The following CAMKK1 variants were observed in gnomAD, a reference collection of about 807,000 sequenced individuals.
The protein encoded by CAMKK1 is calcium/calmodulin-dependent protein kinase kinase 1.
A neutral mutation model predicts 63.5 loss-of-function variants in CAMKK1; 20 were observed. That is an observed-to-expected ratio of 0.32 (90% confidence interval 0.22 to 0.46). CAMKK1 has a LOEUF of 0.46. Among genes scored for constraint, CAMKK1 ranks in the 20% least tolerant of loss-of-function variants. CAMKK1 has a pLI of 1.00. For missense variants in CAMKK1, 588 were observed against 658.1 expected (o/e 0.89, Z 1.17); for synonymous variants, 253 against 269.0 (o/e 0.94, Z 0.58).
intron 14 of CAMKK1, among the ~76,000 whole-genome samples, chr17:3,868,436 C>G (rs1242497298): frequency 1.7e-5 from 2 of 117,516 alleles, no homozygotes; most frequent in Non-Finnish European, 4.1e-5. Flanking sequence ...TGCTGCCTAA[C>G]TGATACGTGG....
Position 3,890,775 on chromosome 17 carries a change from C to T in CAMKK1, c.-44+2164G>A, listed in dbSNP as rs775582290. ...CCTCAGTACAAGCTGTGCCTTCTGC[C>T]AGGAACACACCTCCCTCTCCTCTGC... is the stretch of plus-strand genomic sequence containing the variant. On this transcript the variant is annotated intron_variant, in intron 1 of 15. Transcript: ENST00000348335. The surrounding 1 kb of genome is among the most constrained non-coding windows in gnomAD (Gnocchi z 6.5). The T allele has an allele frequency of 5.1e-6, 4 of 779,804 alleles. No individual in the cohort carries two copies. Among genetic ancestry groups the T allele is most frequent in the Non-Finnish European group, 9.6e-6 (4 of 417,964 alleles). The allele number at this position is 779,804 out of a possible 1,614,324, so 48.3% of individuals were successfully genotyped here.
At position 3,869,895 on chromosome 17, in the gene CAMKK1, A is replaced by AG. The variant is rs1322706930; in HGVS notation, c.1125-8dup. The AG allele has an allele frequency of 5.0e-6, 8 of 1,613,200 alleles. No individual in the cohort carries two copies. The Admixed American group carries it at 8.3e-5, about 17-fold the overall frequency. ...CTCCTCGCTGATTTCTGGCCTGGAG[A>AG]GGGCGAAGGAAGGAGAGGAGGGTGG... On this transcript the variant is annotated splice_polypyrimidine_tract_variant and splice_region_variant and intron_variant, in intron 12 of 15. Coordinates refer to ENST00000348335, the MANE Select transcript of CAMKK1 (RefSeq NM_032294.3).
At chr17:3,869,421 C>T in intron 14 of CAMKK1, 66 bp downstream of exon 14, 1 of 1,598,104 alleles carries the variant, frequency 6.3e-7, no homozygotes, top group Non-Finnish European at 8.5e-7. Context: ...AGGAGCCAGG[C>T]ACAGAGCAAG....
intron 1 of CAMKK1, among the ~76,000 whole-genome samples, chr17:3,891,117 G>C (rs201004058): frequency 5.9e-5 from 9 of 151,898 alleles, no homozygotes; most frequent in South Asian, 4.2e-4. Flanking sequence ...GTTGGGGGGG[G>C]GGTCACAGGC....
intron 15 of CAMKK1, chr17:3,865,231 G>A (rs2054472021): frequency 1.0e-5 from 10 of 985,734 alleles, no homozygotes; most frequent in Non-Finnish European, 1.1e-5. Context: ...GGCTTGGGGA[G>A]CTGCTTTTCT....
rs907207358 is a variant in CAMKK1 at position 3,861,898 on chromosome 17, T to C, written c.*313A>G. On this transcript the variant is annotated 3_prime_UTR_variant, in exon 16 of 16. Transcript: ENST00000348335. ...TGCCTCTGCCTCCTGCCCCAGGCCA[T>C]GCCAACCAGCCGGGTGGCATTTCTG... is the stretch of plus-strand genomic sequence containing the variant. 3.4e-5 allele frequency: 14 copies of C among 407,430 alleles called. No homozygotes were observed. In the Admixed American group the frequency reaches 5.1e-4, roughly 15 times the overall value. The allele number at this position is 407,430 out of a possible 1,614,324, so 25.2% of individuals were successfully genotyped here.
At chr17:3,871,353 T>TG (rs1777018878) in intron 12 of CAMKK1, among the ~76,000 whole-genome samples, 10 of 44,488 alleles carry the variant, frequency 2.2e-4, no homozygotes, top group South Asian at 6.8e-4. Context: ...TTTTGTTTTT[T>TG]TTTTTTTTTT....
Position 3,892,874 on chromosome 17 carries a change from G to A in CAMKK1, c.-44+65C>T, listed in dbSNP as rs1425562838. On this transcript the variant is annotated intron_variant, in intron 1 of 15. Coordinates refer to ENST00000348335, the MANE Select transcript of CAMKK1 (RefSeq NM_032294.3). This position sits in a 1 kb window ranked among gnomAD's most constrained non-coding sequence, Gnocchi z 7.5. The stretch of plus-strand genomic sequence containing the variant: ...CCCCCCGCCTCTCCCTTGCAGGCTC[G>A]GGGCAGGTGTTAAGGCGTTCGTCCT... 2 of 151,640 alleles carry A rather than the reference G, an allele frequency of 1.3e-5. No homozygotes were observed. 9.4% of individuals were successfully genotyped at this position (151,640 alleles called of 1,614,324 possible). A position where few individuals can be genotyped will look rare whatever the true frequency, so the allele number is the denominator to read the frequency against.
Position 3,884,579 on chromosome 17 carries a change from G to T in CAMKK1, c.361-152C>A. 1.5e-6 allele frequency: 1 copy of T among 647,758 alleles called. No individual in the cohort carries two copies. Among genetic ancestry groups the T allele is most frequent in the Non-Finnish European group, 2.6e-6 (1 of 384,278 alleles). The allele number at this position is 647,758 out of a possible 1,614,324, so 40.1% of individuals were successfully genotyped here. A position where few individuals can be genotyped will look rare whatever the true frequency, so the allele number is the denominator to read the frequency against. On this transcript the variant is annotated intron_variant, in intron 2 of 15. Coordinates refer to ENST00000348335, the MANE Select transcript of CAMKK1 (RefSeq NM_032294.3). The surrounding 1 kb of genome is among the most constrained non-coding windows in gnomAD (Gnocchi z 4.5). ...GCTTTTGAGTTTGGATGGGGAAGTT[G>T]GTGGTGCCATCGCCCCCGTATGTGA...
intron 12 of CAMKK1, among the ~76,000 whole-genome samples, chr17:3,870,107 C>A (rs1202299194): frequency 1.3e-5 from 2 of 152,178 alleles, no homozygotes; most frequent in Non-Finnish European, 2.9e-5. Context: ...GTGCTGGACA[C>A]CCCAATGGGT....
At chr17:3,876,182 C>T (rs752145624) in intron 10 of CAMKK1, 41 bp downstream of exon 10, 22 of 1,584,500 alleles carry the variant, frequency 1.4e-5, no homozygotes, top group Admixed American at 8.6e-5. Context: ...CTATTACGCC[C>T]CCCACTTGAA....
intron 14 of CAMKK1, 81 bp from the exon 15 acceptor site, chr17:3,866,092 G>C: frequency 1.3e-6 from 2 of 1,534,794 alleles, no homozygotes; most frequent in Non-Finnish European, 1.8e-6. Context: ...CCCGAGAGCA[G>C]CTGCCAAGGG....
In CAMKK1 at chr17:3,869,621, G is replaced by A. The variant is rs371773297; in HGVS notation, c.1213-6C>T. On this transcript the variant is annotated splice_polypyrimidine_tract_variant and splice_region_variant and intron_variant, in intron 13 of 15. Transcript: ENST00000348335. ...TTGGTCACCCAAGGGTGCAACTGTC[G>A]GGGCCGGGAGGGCAGGGAGAGGGGG... The A allele has an allele frequency of 8.8e-5, 142 of 1,614,012 alleles. No individual in the cohort carries two copies. The highest frequency in any genetic ancestry group is 9.5e-5 in the Non-Finnish European group (112 of 1,180,004).
rs1366194492 is a variant in CAMKK1 at position 3,862,694 on chromosome 17, A to G, written c.1446-411T>C. On this transcript the variant is annotated intron_variant, in intron 15 of 15. Transcript: ENST00000348335. The surrounding 1 kb of genome is among the most constrained non-coding windows in gnomAD (Gnocchi z 4.1). ...GTGCAGGCTGCAGTGCAGTGGTGCA[A>G]TCTCAGCTCATTGCAACCTCTGCCT... Among the ~76,000 whole-genome samples the G allele has an allele frequency of 1.3e-5, 2 of 152,126 alleles. No homozygotes were observed. The highest frequency in any genetic ancestry group is 2.9e-5 in the Non-Finnish European group (2 of 68,020).
At chr17:3,872,322 C>T (rs1002816008) in intron 12 of CAMKK1, among the ~76,000 whole-genome samples, 1 of 152,172 alleles carries the variant, frequency 6.6e-6, no homozygotes, top group Non-Finnish European at 1.5e-5. Flanking sequence ...TGCCTGTGGT[C>T]ATCCCTGGCC....
At chr17:3,868,043 A>ACGTGGG (rs1465763835) in intron 14 of CAMKK1, among the ~76,000 whole-genome samples, 23 of 119,516 alleles carry the variant, frequency 1.9e-4, no homozygotes, top group East Asian at 5.3e-4. Flanking sequence ...TCTAACTGAT[A>ACGTGGG]CACAGGATCT....
In CAMKK1 at chr17:3,885,532, A is replaced by G. The variant is rs764564718; in HGVS notation, c.156T>C (p.Ser52=). 4 of 1,613,980 alleles carry G rather than the reference A, an allele frequency of 2.5e-6. 1 individual carries two copies. The South Asian group carries it at 4.4e-5, about 18-fold the overall frequency. ...GTCTTGAAGTACTGCCAGGGATCAC[A>G]GAGGCAGCTCTGGCCCGTGGTGGGG... The part of the protein sequence containing the change: ...VDPPPRARAA[S]VIPGSTSRLL... Residue 52 remains serine (S), a synonymous_variant, in exon 2 of 16, where the codon TCT becomes TCC. Transcript: ENST00000348335.
At position 3,871,347 on chromosome 17, in the gene CAMKK1, G is replaced by GTTTTTTTTTTTTTT. The variant is rs869219931; in HGVS notation, c.1124+1193_1124+1206dup. On this transcript the variant is annotated intron_variant, in intron 12 of 15. Coordinates refer to ENST00000348335, the MANE Select transcript of CAMKK1 (RefSeq NM_032294.3). ...TGTTGTTTTTTGTTTTTTTTTTTTT[G>GTTTTTTTTTTTTTT]TTTTTTTTTTTTTTTTTTTTTTTTT... Among the ~76,000 whole-genome samples the GTTTTTTTTTTTTTT allele has an allele frequency of 6.5e-3, 677 of 104,280 alleles. 6 individuals carry two copies. The highest frequency in any genetic ancestry group is 8.5e-3 in the Non-Finnish European group (447 of 52,776). 68.4% of individuals were successfully genotyped at this position (104,280 alleles called of 152,430 possible).
At chr17:3,866,863 G>C (rs1015948266) in intron 14 of CAMKK1, among the ~76,000 whole-genome samples, 1 of 152,156 alleles carries the variant, frequency 6.6e-6, no homozygotes, top group African/African-American at 2.4e-5. Flanking sequence ...GGGATTACAG[G>C]CGTCCACCAC....
Sources: allele counts gnomAD v4.1 joint callset (sites outside exome capture counted in the v4.1 genomes callset), GRCh38; gene constraint gnomAD v4.1.1; non-coding constraint Gnocchi (gnomAD v3.1); transcripts MANE v1.5; gene names NCBI Gene and HGNC (gene_info 2026-07-23, HGNC 2026-07-21).